The following NFIA variants were observed in gnomAD, a reference collection of about 807,000 sequenced individuals.
NFIA encodes nuclear factor 1 A-type.
In NFIA, 8 loss-of-function variants were observed where a neutral mutation model predicts 62.8. The observed-to-expected ratio is 0.13, with a 90% confidence interval of 0.07 to 0.23. The LOEUF (loss-of-function observed/expected upper bound fraction) is 0.23, where lower values mean the gene tolerates loss of function less well. Among genes scored for constraint, NFIA ranks in the 10% least tolerant of loss-of-function variants. The probability of loss-of-function intolerance (pLI) is 1.00; values close to 1 mark genes in which losing one functional copy is unlikely to be tolerated. For synonymous variants in NFIA, 235 were observed against 238.1 expected (o/e 0.99, Z 0.12); for missense variants, 410 against 642.1 (o/e 0.64, Z 3.91).
At chr1:61,367,974 C>T (rs1053062084) in intron 6 of NFIA, among the ~76,000 whole-genome samples, 1 of 152,150 alleles carries the variant, frequency 6.6e-6, no homozygotes, top group Admixed American at 6.6e-5. Context: ...CTTTGTCCTT[C>T]GAGTAGGATC....
chr1:61,155,949 C>T (rs1490806744), intron 2 of NFIA, among the ~76,000 whole-genome samples: 1 of 152,048 alleles, frequency 6.6e-6, no homozygotes, highest in Non-Finnish European at 1.5e-5. Flanking sequence ...CCAGCCTGAC[C>T]AAACATGGTG....
At chr1:61,342,118 C>G (rs1661953513) in intron 4 of NFIA, among the ~76,000 whole-genome samples, 1 of 151,610 alleles carries the variant, frequency 6.6e-6, no homozygotes, top group Non-Finnish European at 1.5e-5. Context: ...AATATGAGTA[C>G]ATGTTAATAC....
At position 61,334,507 on chromosome 1, in the gene NFIA, T is replaced by C. The variant is rs915274134; in HGVS notation, c.700+1921T>C. ...CTTGTAATTTTAATAATAACCGTAA[T>C]ATGGGGAGTATTTGTGTGTGTGTAT... On this transcript the variant is annotated intron_variant, in intron 4 of 10. Coordinates refer to ENST00000403491, the MANE Select transcript of NFIA (RefSeq NM_001134673.4). 5.6e-5 allele frequency among the ~76,000 whole-genome samples: 8 copies of C among 143,672 alleles called. 1 individual carries two copies. The highest frequency in any genetic ancestry group is 2.1e-4 in the African/African-American group (8 of 38,262). The allele number at this position is 143,672 out of a possible 152,430, so 94.3% of individuals were successfully genotyped here.
rs578105148 is a variant in NFIA at position 61,095,898 on chromosome 1, C to T, written c.559+7218C>T. On this transcript the variant is annotated intron_variant, in intron 2 of 10. Transcript: ENST00000403491. ...ATTTTTGTACATGGTTTTATATGTACAAGACATAATATATATTTCTAATTT... is the reference window on the plus strand; with the variant it reads ...ATTTTTGTACATGGTTTTATATGTATAAGACATAATATATATTTCTAATTT... 2.1e-4 allele frequency among the ~76,000 whole-genome samples: 32 copies of T among 152,030 alleles called. 1 individual carries two copies. In the South Asian group the frequency reaches 4.1e-3, roughly 20 times the overall value.
At chr1:61,261,043 C>T (rs978322000) in intron 2 of NFIA, among the ~76,000 whole-genome samples, 3 of 152,118 alleles carry the variant, frequency 2.0e-5, no homozygotes, top group Non-Finnish European at 4.4e-5. Flanking sequence ...ACCTACAATT[C>T]TTAGGAAAAA....
intron 10 of NFIA, among the ~76,000 whole-genome samples, chr1:61,441,292 G>GGTGTGTGTGTGT (rs763246425): frequency 9.8e-4 from 137 of 139,436 alleles, no homozygotes; most frequent in East Asian, 5.5e-3. Flanking sequence ...GCCGTGCAGG[G>GGTGTGTGTGTGT]GTGTGTGTGT....
In NFIA at chr1:61,368,009, A is replaced by G. The variant is rs138166452; in HGVS notation, c.946+8735A>G. 1.3e-3 allele frequency among the ~76,000 whole-genome samples: 191 copies of G among 152,350 alleles called. 1 individual carries two copies. Among genetic ancestry groups the G allele is most frequent in the African/African-American group, 4.4e-3 (183 of 41,584 alleles). On this transcript the variant is annotated intron_variant, in intron 6 of 10. Coordinates refer to ENST00000403491, the MANE Select transcript of NFIA (RefSeq NM_001134673.4). ...CAAGCGCTCAGAAGCAGAGCGATGTATACGTTTGTCGAACGAATGAGCGTT... is the reference window on the plus strand; with the variant it reads ...CAAGCGCTCAGAAGCAGAGCGATGTGTACGTTTGTCGAACGAATGAGCGTT...
chr1:61,340,897 T>G (rs1661863460), intron 4 of NFIA, among the ~76,000 whole-genome samples: 1 of 152,068 alleles, frequency 6.6e-6, no homozygotes, highest in African/African-American at 2.4e-5. Context: ...AGATTCTTTT[T>G]CCTCAAATTT....
chr1:61,312,020 T>C (rs1660146258), intron 3 of NFIA, among the ~76,000 whole-genome samples: 1 of 152,190 alleles, frequency 6.6e-6, no homozygotes, highest in Non-Finnish European at 1.5e-5. Flanking sequence ...CCGTGGCCTT[T>C]ACTGGGAACT....
intron 2 of NFIA, among the ~76,000 whole-genome samples, chr1:61,121,093 A>T (rs1369251937): frequency 6.6e-6 from 1 of 152,208 alleles, no homozygotes; most frequent in Non-Finnish European, 1.5e-5. Context: ...ATTGTCTGTT[A>T]CTCAATGGAG....
At chr1:61,208,965 C>T (rs2100600625) in intron 2 of NFIA, among the ~76,000 whole-genome samples, 1 of 152,236 alleles carries the variant, frequency 6.6e-6, no homozygotes, top group Non-Finnish European at 1.5e-5. Context: ...TTAACAGTAA[C>T]AGCCCCTTTA....
intron 2 of NFIA, among the ~76,000 whole-genome samples, chr1:61,220,168 A>G (rs2100616255): frequency 6.6e-6 from 1 of 152,206 alleles, no homozygotes; most frequent in South Asian, 2.1e-4. Context: ...ACCCCACAAT[A>G]TTAGTGTTTC....
rs558843778 is a variant in NFIA, at chr1:61,116,917, C to T, written c.559+28237C>T. On this transcript the variant is annotated intron_variant, in intron 2 of 10. Transcript: ENST00000403491. ...TGGCTTGTAAATTCCTTATTTCCTG[C>T]ATGTGTGAGTGTATTTTGTTAGAAC... 2.0e-5 allele frequency among the ~76,000 whole-genome samples: 3 copies of T among 152,270 alleles called. No homozygotes were observed. The South Asian group carries it at 6.2e-4, about 32-fold the overall frequency.
At chr1:61,332,752 G>A (rs1661364140) in intron 4 of NFIA, among the ~76,000 whole-genome samples, 166 bp downstream of exon 4, 1 of 152,060 alleles carries the variant, frequency 6.6e-6, no homozygotes, top group Non-Finnish European at 1.5e-5. Context: ...TTTAAATCAG[G>A]AAAAATTAAA....
chr1:61,174,828 T>C (rs1172380854), intron 2 of NFIA, among the ~76,000 whole-genome samples: 3 of 152,190 alleles, frequency 2.0e-5, no homozygotes, highest in Non-Finnish European at 4.4e-5. Context: ...TCACATTTGC[T>C]GAGACTGAAG....
intron 2 of NFIA, among the ~76,000 whole-genome samples, chr1:61,128,255 C>T (rs1479534425): frequency 6.6e-6 from 1 of 151,988 alleles, no homozygotes; most frequent in Non-Finnish European, 1.5e-5. Context: ...AGCCCTAATA[C>T]ATTTAATAAA....
chr1:61,449,318 T>C (rs1190044470), intron 10 of NFIA, among the ~76,000 whole-genome samples: 2 of 152,210 alleles, frequency 1.3e-5, no homozygotes, highest in African/African-American at 4.8e-5. Context: ...GACACCAGGC[T>C]TTGGTAACCT....
intron 2 of NFIA, among the ~76,000 whole-genome samples, chr1:61,095,381 G>A (rs1456113040): frequency 2.6e-5 from 4 of 152,216 alleles, no homozygotes; most frequent in Non-Finnish European, 5.9e-5. Flanking sequence ...ACTCTTCAGA[G>A]TGGCCAGGTT....
upstream of NFIA, among the ~76,000 whole-genome samples, chr1:61,078,445 A>G (rs532891821): frequency 2.0e-5 from 3 of 152,284 alleles, no homozygotes; most frequent in African/African-American, 7.2e-5. Flanking sequence ...ACTTTAAGAA[A>G]CGTGTGGCTT....
Sources: gnomAD v4.1 joint callset for allele counts (sites outside exome capture counted in the v4.1 genomes callset) on GRCh38, gnomAD v4.1.1 for gene constraint, MANE v1.5 for transcripts, NCBI Gene and HGNC (gene_info 2026-07-23, HGNC 2026-07-21) for gene names.